Variants in DOCK1 observed in about 807,000 individuals in gnomAD.
The protein encoded by DOCK1 is dedicator of cytokinesis 1, also known as dedicator of cytokinesis protein 1.
Under a neutral mutation model 262.7 loss-of-function variants are expected in DOCK1, and 138 were observed. That is an observed-to-expected ratio of 0.53 (90% CI 0.46 to 0.61). DOCK1 has a LOEUF of 0.61. DOCK1 is among the 20% of genes least tolerant of loss of function. The pLI, the probability that DOCK1 is intolerant of heterozygous loss-of-function variation, is 0.00. For missense variants in DOCK1, 1,908 were observed against 2,370.7 expected, an observed-to-expected ratio of 0.80 and a Z score of 4.05; for synonymous variants, 866 against 867.4, an observed-to-expected ratio of 1.00 and a Z score of 0.03.
In DOCK1 at chr10:126,930,954, TTCA is replaced by T. The variant is rs1160563664; in HGVS notation, c.46+25395_46+25397del. Among the ~76,000 whole-genome samples the T allele has an allele frequency of 3.3e-5, 5 of 152,240 alleles. 1 individual carries two copies. The highest frequency in any genetic ancestry group is 1.2e-4 in the African/African-American group (5 of 41,550). On this transcript the variant is annotated intron_variant, in intron 1 of 51. Transcript: ENST00000623213. ...TGATAGAGGACGGACTCCCTGTCTC[TTCA>T]TCAGATCCTGCAAGGGCCCATCTCC...
intron 18 of DOCK1, among the ~76,000 whole-genome samples, chr10:127,037,473 C>T (rs543112523): frequency 1.3e-5 from 2 of 152,320 alleles, no homozygotes; most frequent in East Asian, 1.9e-4. Flanking sequence ...TTCCCAAATG[C>T]ACTTTTAAAG....
chr10:127,351,217 A>AGGT (rs2063864104), intron 31 of DOCK1, among the ~76,000 whole-genome samples: 6 of 152,036 alleles, frequency 3.9e-5, no homozygotes, highest in Admixed American at 6.5e-5. Flanking sequence ...TGTGCCTCCT[A>AGGT]AGCGTAGGTT....
At chr10:127,297,300 C>T (rs1461588136) in intron 29 of DOCK1, among the ~76,000 whole-genome samples, 7 of 152,092 alleles carry the variant, frequency 4.6e-5, no homozygotes, top group Non-Finnish European at 7.4e-5. Context: ...TGTGGAGGGA[C>T]GAATCCATAG....
chr10:127,404,950 C>T (rs529624735), intron 40 of DOCK1, among the ~76,000 whole-genome samples: 45 of 152,286 alleles, frequency 3.0e-4, no homozygotes, highest in African/African-American at 7.0e-4. Context: ...GTACAGTGTT[C>T]GCCCTTCTGT....
At chr10:127,005,083 T>C (rs2040912495) in intron 10 of DOCK1, among the ~76,000 whole-genome samples, 1 of 151,980 alleles carries the variant, frequency 6.6e-6, no homozygotes, top group Admixed American at 6.6e-5. Flanking sequence ...ACACCTGTAA[T>C]CCCAGCACTT....
intron 29 of DOCK1, among the ~76,000 whole-genome samples, chr10:127,278,953 C>A (rs553522419): frequency 1.3e-5 from 2 of 152,298 alleles, no homozygotes; most frequent in South Asian, 4.1e-4. Flanking sequence ...ATGTCCAGGC[C>A]CTAAGGTGCC....
chr10:127,196,224 G>C (rs1250533325), intron 27 of DOCK1: 1 of 149,188 alleles, frequency 6.7e-6, no homozygotes, highest in Non-Finnish European at 1.5e-5. Flanking sequence ...GGCCCGGCCG[G>C]CCCCCGCGCC....
chr10:127,000,433 A>T, intron 10 of DOCK1, 126 bp downstream of exon 10: 1 of 1,347,104 alleles, frequency 7.4e-7, no homozygotes, highest in Non-Finnish European at 9.9e-7. Flanking sequence ...CTGGAGAGAA[A>T]AAATATATTT....
At chr10:126,953,900 CAG>C (rs1465103120) in intron 1 of DOCK1, among the ~76,000 whole-genome samples, 1 of 152,108 alleles carries the variant, frequency 6.6e-6, no homozygotes, top group African/African-American at 2.4e-5. Flanking sequence ...ATGAAACAAA[CAG>C]AAAATGTGGA....
intron 27 of DOCK1, among the ~76,000 whole-genome samples, chr10:127,170,886 G>A (rs578182261): frequency 3.9e-5 from 6 of 152,276 alleles, no homozygotes; most frequent in South Asian, 2.1e-4. Context: ...ATGCAAGCCC[G>A]CACTGCATAA....
chr10:127,136,794 A>G (rs938567907), intron 27 of DOCK1: 10 of 152,628 alleles, frequency 6.6e-5, no homozygotes, highest in Non-Finnish European at 2.9e-5. Flanking sequence ...GTAGCAGCTA[A>G]ACTAAACGCA....
chr10:127,077,068 C>T (rs2046607098), intron 23 of DOCK1, among the ~76,000 whole-genome samples: 1 of 152,076 alleles, frequency 6.6e-6, no homozygotes, highest in Admixed American at 6.5e-5. Context: ...ACTTAAATTT[C>T]TCTGAGGTCA....
chr10:126,998,492 G>A, intron 8 of DOCK1: 1 of 437,402 alleles, frequency 2.3e-6, no homozygotes. Flanking sequence ...GCAGTTGCAG[G>A]TACACTCTGG....
intron 30 of DOCK1, among the ~76,000 whole-genome samples, chr10:127,341,969 C>T (rs1390052647): frequency 6.6e-6 from 1 of 152,194 alleles, no homozygotes; most frequent in African/African-American, 2.4e-5. Flanking sequence ...CATGAGTGCT[C>T]TGGCTCAAAG....
chr10:127,176,179 G>A lies in DOCK1; in HGVS notation c.2847+48415G>A, dbSNP rs143780805. The A allele has an allele frequency of 3.1e-4, 500 of 1,614,068 alleles. 1 individual carries two copies. In the African/African-American group the frequency reaches 6.0e-3, roughly 19 times the overall value. ...CTGCAGGACACGGGCTTGGCCTCCC[G>A]CTTCTCCCCCAGCTGGCCCGAGGAC... On this transcript the variant is annotated intron_variant, in intron 27 of 51. Transcript: ENST00000623213. This position sits in a 1 kb window ranked among gnomAD's most constrained non-coding sequence, Gnocchi z 4.4.
intron 27 of DOCK1, chr10:127,195,991 G>GT: frequency 6.6e-6 from 1 of 152,198 alleles, no homozygotes; most frequent in South Asian, 2.1e-4. Context: ...GCGGGGCTCC[G>GT]CTTACCTTCC....
At chr10:127,280,735 C>A (rs1457144766) in intron 29 of DOCK1, among the ~76,000 whole-genome samples, 1 of 152,168 alleles carries the variant, frequency 6.6e-6, no homozygotes, top group Non-Finnish European at 1.5e-5. Flanking sequence ...TCACTGTGTT[C>A]TGAGAGGTTT....
Position 127,156,377 on chromosome 10 carries a change from T to C in DOCK1, c.2847+28613T>C, listed in dbSNP as rs1337261836. On this transcript the variant is annotated intron_variant, in intron 27 of 51. Coordinates refer to ENST00000623213, the MANE Select transcript of DOCK1 (RefSeq NM_001290223.2). ...GGCTGGTGTTCTGCACCACATGTAA[T>C]TGGCAGCTTGGGATAGGCAATGAAC... 2.0e-5 allele frequency among the ~76,000 whole-genome samples: 3 copies of C among 152,100 alleles called. No homozygotes were observed. In the East Asian group the frequency reaches 5.8e-4, roughly 29 times the overall value.
intron 23 of DOCK1, among the ~76,000 whole-genome samples, chr10:127,077,328 G>A (rs1226557632): frequency 6.6e-6 from 1 of 152,288 alleles, no homozygotes; most frequent in African/African-American, 2.4e-5. Flanking sequence ...CCAGGAGGCA[G>A]AGGTTGCAGT....
Sources: allele counts gnomAD v4.1 joint callset (sites outside exome capture counted in the v4.1 genomes callset), GRCh38; gene constraint gnomAD v4.1.1; non-coding constraint Gnocchi (gnomAD v3.1); transcripts MANE v1.5; gene names NCBI Gene and HGNC (gene_info 2026-07-23, HGNC 2026-07-21).